LIN54: variants seen among roughly 807,000 people sequenced by gnomAD.
LIN54 encodes lin-54 DREAM MuvB core complex component, also known as protein lin-54 homolog.
A neutral mutation model predicts 78.7 loss-of-function variants in LIN54; 9 were observed. The observed-to-expected ratio is 0.11, with a 90% CI of 0.07 to 0.20. The LOEUF is 0.20. LIN54 is among the 10% of genes least tolerant of loss of function. LIN54 has a pLI of 1.00. For synonymous variants in LIN54, 269 were observed against 318.4 expected (o/e 0.84, Z 1.65); for missense variants, 573 against 889.9 (o/e 0.64, Z 4.53).
intron 8 of LIN54, among the ~76,000 whole-genome samples, chr4:82,937,622 C>T (rs1722492932): frequency 1.3e-5 from 2 of 152,268 alleles, no homozygotes; most frequent in South Asian, 4.2e-4. Context: ...CAAACACTGT[C>T]CCTTCTAAGA....
chr4:82,993,626 G>C (rs1402179724), intron 1 of LIN54, among the ~76,000 whole-genome samples: 3 of 151,604 alleles, frequency 2.0e-5, no homozygotes, highest in Non-Finnish European at 2.9e-5. Context: ...TTGTTTCTTT[G>C]TTTGTTTTTG....
intron 2 of LIN54, among the ~76,000 whole-genome samples, chr4:82,979,994 T>C (rs1726501533): frequency 6.7e-6 from 1 of 148,250 alleles, no homozygotes; most frequent in Non-Finnish European, 1.5e-5. Flanking sequence ...TCACCCAGAC[T>C]GGAGTGCAGT....
Position 82,931,218 on chromosome 4 carries a change from A to G in LIN54, c.1846-73T>C, listed in dbSNP as rs909032040. 2.7e-5 allele frequency: 29 copies of G among 1,063,424 alleles called. No individual in the cohort carries two copies. In the Admixed American group the frequency reaches 3.2e-4, roughly 12 times the overall value. 65.9% of individuals were successfully genotyped at this position (1,063,424 alleles called of 1,614,324 possible). On this transcript the variant is annotated intron_variant, in intron 11 of 12. Transcript: ENST00000340417. ...TTACTATAAGTAGATGCCACAATCA[A>G]ATCAACAGCTAATAGCATTACCTGG...
Position 82,939,897 on chromosome 4 carries a change from C to T in LIN54, c.1234G>A (p.Val412Ile). The T allele has an allele frequency of 6.2e-7, 1 of 1,611,534 alleles. No homozygotes were observed. The highest frequency in any genetic ancestry group is 8.5e-7 in the Non-Finnish European group (1 of 1,178,934). The change falls in exon 6 of 13, where the codon GTC becomes ATC. Residue 412 changes from valine to isoleucine, a missense_variant. Val to Ile is a conservative substitution (Grantham distance 29). This residue lies in a region of LIN54 where 199 missense variants were observed against 260.9 expected (regional missense o/e 0.76). Transcript: ENST00000340417. ...AGTTATGTGATACTTACTTGTTTGA[C>T]AGCCTGAGCTGAGACAATTGGAACT... The part of the protein sequence containing the change: ...MSVPIVSAQA[V>I]KQVVPKPINP...
At position 82,925,817 on chromosome 4, in the gene LIN54, ATAAATT is replaced by A. The variant is rs1721422568; in HGVS notation, c.*2279_*2284del. On this transcript the variant is annotated 3_prime_UTR_variant, in exon 13 of 13. Transcript: ENST00000340417. ...TATTCTTTGAATAGCTCTAGTAAAT[ATAAATT>A]TAATCTTTCTACTTTGGGATGTAAA... is the stretch of plus-strand genomic sequence containing the variant. The A allele has an allele frequency of 1.3e-5, 2 of 152,792 alleles. No homozygotes were observed. Among genetic ancestry groups the A allele is most frequent in the South Asian group, 2.1e-4 (1 of 4,826 alleles). 9.5% of individuals were successfully genotyped at this position (152,792 alleles called of 1,614,324 possible).
intron 4 of LIN54, among the ~76,000 whole-genome samples, chr4:82,955,759 C>CAA (rs59841779): frequency 0.012 from 1,784 of 146,530 alleles, 30 homozygotes; most frequent in African/African-American, 0.037. Flanking sequence ...TATCTCATTA[C>CAA]AAAAAAAAAA....
At chr4:82,985,879 G>A (rs947133080) in intron 1 of LIN54, among the ~76,000 whole-genome samples, 5 of 152,126 alleles carry the variant, frequency 3.3e-5, no homozygotes, top group African/African-American at 1.2e-4. Flanking sequence ...AACCATTTAA[G>A]AGATGTACAG....
chr4:82,950,199 T>C (rs1329896395), intron 4 of LIN54, among the ~76,000 whole-genome samples: 1 of 152,184 alleles, frequency 6.6e-6, no homozygotes, highest in Non-Finnish European at 1.5e-5. Context: ...TCATGCACAC[T>C]TTTTTGACGT....
chr4:82,998,172 G>A (rs1374960482), intron 1 of LIN54, among the ~76,000 whole-genome samples: 1 of 151,462 alleles, frequency 6.6e-6, no homozygotes, highest in Non-Finnish European at 1.5e-5. Flanking sequence ...TAGGTGAACA[G>A]CTGTTTTCAT....
intron 1 of LIN54, among the ~76,000 whole-genome samples, chr4:83,006,952 C>T (rs1729447149): frequency 6.6e-6 from 1 of 151,988 alleles, no homozygotes; most frequent in South Asian, 2.1e-4. Context: ...CCAGCCTGGC[C>T]AACATGGTCA....
At chr4:83,000,548 T>C (rs771120909) in intron 1 of LIN54, among the ~76,000 whole-genome samples, 1 of 152,196 alleles carries the variant, frequency 6.6e-6, no homozygotes, top group Non-Finnish European at 1.5e-5. Flanking sequence ...TAAAATTCCT[T>C]TGATATTGGA....
intron 4 of LIN54, among the ~76,000 whole-genome samples, chr4:82,947,235 A>ATATATATATATATTTT: frequency 2.9e-4 from 13 of 44,288 alleles, no homozygotes; most frequent in African/African-American, 9.0e-4. Context: ...ATATATATAT[A>ATATATATATATATTTT]TTTTTTTTTT....
intron 12 of LIN54, among the ~76,000 whole-genome samples, chr4:82,928,697 CAT>C (rs1721688647): frequency 6.6e-6 from 1 of 152,160 alleles, no homozygotes. Context: ...TAGTGCATGA[CAT>C]AGAGACGCTA....
Position 83,000,464 on chromosome 4 carries a change from C to A in LIN54, c.-33+10020G>T, listed in dbSNP as rs375109087. ...CAAGAAGGCCTGGACAATGAGAACTCTTTTTCTGGATTGGGTCCATCAGTG... is the reference window on the plus strand; with the variant it reads ...CAAGAAGGCCTGGACAATGAGAACTATTTTTCTGGATTGGGTCCATCAGTG... On this transcript the variant is annotated intron_variant, in intron 1 of 12. Transcript: ENST00000340417. Among the ~76,000 whole-genome samples, 4 of 152,192 alleles carry A rather than the reference C, an allele frequency of 2.6e-5. No homozygotes were observed. In the East Asian group the frequency reaches 7.7e-4, roughly 29 times the overall value.
chr4:82,985,357 T>C (rs1401804697), intron 1 of LIN54, among the ~76,000 whole-genome samples: 1 of 152,238 alleles, frequency 6.6e-6, no homozygotes, highest in African/African-American at 2.4e-5. Flanking sequence ...ATGAGTGTAC[T>C]ATCCCATTTT....
chr4:82,925,071 C>G lies in LIN54; in HGVS notation c.*3031G>C, dbSNP rs904191993. 3 of 152,448 alleles carry G rather than the reference C, an allele frequency of 2.0e-5. No homozygotes were observed. Among genetic ancestry groups the G allele is most frequent in the African/African-American group, 7.2e-5 (3 of 41,394 alleles). 9.4% of individuals were successfully genotyped at this position (152,448 alleles called of 1,614,324 possible). Reference sequence around the variant, plus strand: ...CTAATCACTCTGTTTGCTTTTGTACCTGTAACATTAAGGTTCTGTTTCCCA... The same window carrying G: ...CTAATCACTCTGTTTGCTTTTGTACGTGTAACATTAAGGTTCTGTTTCCCA... On this transcript the variant is annotated 3_prime_UTR_variant, in exon 13 of 13. Coordinates refer to ENST00000340417, the MANE Select transcript of LIN54 (RefSeq NM_194282.4).
intron 2 of LIN54, among the ~76,000 whole-genome samples, chr4:82,982,163 T>C (rs1726727456): frequency 6.6e-6 from 1 of 152,178 alleles, no homozygotes; most frequent in Non-Finnish European, 1.5e-5. Flanking sequence ...CATTGAAATG[T>C]CACATATACC....
chr4:82,934,749 A>T (rs1722251891), intron 11 of LIN54, among the ~76,000 whole-genome samples: 1 of 152,238 alleles, frequency 6.6e-6, no homozygotes, highest in Admixed American at 6.5e-5. Context: ...AGAATAAGAA[A>T]GAATGAAAAT....
intron 4 of LIN54, among the ~76,000 whole-genome samples, chr4:82,964,423 G>A (rs990389468): frequency 6.6e-6 from 1 of 152,054 alleles, no homozygotes; most frequent in African/African-American, 2.4e-5. Context: ...TATTGAAAGT[G>A]GGAATCCTTG....
Sources: gnomAD v4.1 joint callset for allele counts (sites outside exome capture counted in the v4.1 genomes callset) on GRCh38, gnomAD v4.1.1 for gene constraint, gnomAD v4.1.1 regional missense constraint, MANE v1.5 for transcripts, NCBI Gene and HGNC (gene_info 2026-07-23, HGNC 2026-07-21) for gene names.